The following LAPTM4B variants were observed in gnomAD, a reference collection of about 807,000 sequenced individuals.
LAPTM4B encodes the protein lysosomal protein transmembrane 4 beta.
A neutral mutation model predicts 28.5 loss-of-function variants in LAPTM4B; 26 were observed. The observed-to-expected ratio is 0.91, with a 90% CI of 0.67 to 1.27. The LOEUF (loss-of-function observed/expected upper bound fraction) is 1.27, where lower values mean the gene tolerates loss of function less well. Among genes scored for constraint, LAPTM4B ranks in the 50% most tolerant of loss-of-function variants. LAPTM4B has a pLI of 0.00. For synonymous variants in LAPTM4B, 109 were observed against 106.4 expected (o/e 1.02, Z -0.15); for missense variants, 288 against 285.8 (o/e 1.01, Z -0.06).
At chr8:97,827,749 CG>C (rs1406278639) in intron 6 of LAPTM4B, among the ~76,000 whole-genome samples, 1 of 152,072 alleles carries the variant, frequency 6.6e-6, no homozygotes, top group Non-Finnish European at 1.5e-5. Context: ...CAGGTGCGAG[CG>C]GGCTGAGTCC....
At chr8:97,842,135 A>G (rs569904212) in intron 6 of LAPTM4B, among the ~76,000 whole-genome samples, 1 of 152,364 alleles carries the variant, frequency 6.6e-6, no homozygotes, top group African/African-American at 2.4e-5. Flanking sequence ...TGTAGACAGT[A>G]TATGTGAATG....
At chr8:97,809,786 CCAGA>C (rs1371030441) in intron 2 of LAPTM4B, among the ~76,000 whole-genome samples, 1 of 152,108 alleles carries the variant, frequency 6.6e-6, no homozygotes, top group Non-Finnish European at 1.5e-5. Flanking sequence ...TTTCATCCAG[CCAGA>C]CAGAGCAGAA....
chr8:97,806,813 C>T (rs961926262), intron 2 of LAPTM4B, among the ~76,000 whole-genome samples: 6 of 152,026 alleles, frequency 3.9e-5, no homozygotes, highest in East Asian at 1.9e-4. Flanking sequence ...AAAAATTAGC[C>T]CAGTGTGGTG....
intron 6 of LAPTM4B, among the ~76,000 whole-genome samples, chr8:97,831,197 A>G (rs1377060305): frequency 3.3e-5 from 5 of 152,130 alleles, no homozygotes; most frequent in African/African-American, 1.2e-4. Context: ...TGATCTGACT[A>G]ATGAAGGCTG....
chr8:97,781,113 T>A (rs922599495), intron 1 of LAPTM4B, among the ~76,000 whole-genome samples: 2 of 150,852 alleles, frequency 1.3e-5, no homozygotes, highest in Admixed American at 1.3e-4. Context: ...CTCAGCCTCC[T>A]GAGTAGCTGG....
chr8:97,809,420 C>A (rs1231302595), intron 2 of LAPTM4B, among the ~76,000 whole-genome samples: 4 of 152,062 alleles, frequency 2.6e-5, no homozygotes, highest in African/African-American at 4.8e-5. Flanking sequence ...AAATGTTAGA[C>A]CAGGTGCGGT....
chr8:97,851,205 G>A (rs988047475), intron 6 of LAPTM4B, among the ~76,000 whole-genome samples, 192 bp from the exon 7 acceptor site: 3 of 152,220 alleles, frequency 2.0e-5, no homozygotes, highest in Admixed American at 6.5e-5. Context: ...CTCAAGGCTT[G>A]AGAGTCGCTC....
At chr8:97,828,903 A>G (rs1817134504) in intron 6 of LAPTM4B, among the ~76,000 whole-genome samples, 1 of 152,206 alleles carries the variant, frequency 6.6e-6, no homozygotes, top group African/African-American at 2.4e-5. Context: ...TGTTGGAGTT[A>G]TAAGGGGAAT....
intron 1 of LAPTM4B, among the ~76,000 whole-genome samples, chr8:97,778,062 GGAGAGTACTCA>G (rs1392138733): frequency 2.6e-5 from 4 of 152,192 alleles, no homozygotes; most frequent in Non-Finnish European, 2.9e-5. Flanking sequence ...TGTGATAAAA[GGAGAGTACTCA>G]GCATGCTTTG....
chr8:97,787,531 G>A (rs1009962451), intron 1 of LAPTM4B, among the ~76,000 whole-genome samples: 3 of 152,040 alleles, frequency 2.0e-5, no homozygotes, highest in African/African-American at 4.8e-5. Flanking sequence ...TGATCCATCC[G>A]CCTCGGCCTC....
intron 6 of LAPTM4B, among the ~76,000 whole-genome samples, chr8:97,843,768 G>A (rs1006851313): frequency 9.6e-5 from 14 of 146,336 alleles, no homozygotes; most frequent in African/African-American, 3.3e-4. Flanking sequence ...CAACAAGAGC[G>A]AAACTCCATC....
At chr8:97,849,095 T>C (rs2129862611) in intron 6 of LAPTM4B, among the ~76,000 whole-genome samples, 2 of 152,314 alleles carry the variant, frequency 1.3e-5, no homozygotes, top group South Asian at 4.1e-4. Context: ...CAGTGTTCAC[T>C]GTAGCAAACA....
rs567305033 is a variant in LAPTM4B, at chr8:97,851,841, C to T, written c.*367C>T. 2.3e-5 allele frequency: 5 copies of T among 213,540 alleles called. No homozygotes were observed. The highest frequency in any genetic ancestry group is 3.7e-5 in the Non-Finnish European group (4 of 108,670). 13.2% of individuals were successfully genotyped at this position (213,540 alleles called of 1,614,324 possible). On this transcript the variant is annotated 3_prime_UTR_variant, in exon 7 of 7. Transcript: ENST00000521545. ...CTCTTTTGAAAATGTAAAATAAAACCAAAAATAGACAACTTTTTCTTCAGC... is the reference window on the plus strand; with the variant it reads ...CTCTTTTGAAAATGTAAAATAAAACTAAAAATAGACAACTTTTTCTTCAGC...
chr8:97,847,931 C>T (rs1817456354), intron 6 of LAPTM4B, among the ~76,000 whole-genome samples: 1 of 152,110 alleles, frequency 6.6e-6, no homozygotes, highest in Admixed American at 6.6e-5. Context: ...GATTAAGGGT[C>T]CAAGGCAATA....
chr8:97,830,866 G>A (rs189187267), intron 6 of LAPTM4B, among the ~76,000 whole-genome samples: 149 of 152,182 alleles, frequency 9.8e-4, no homozygotes, highest in Admixed American at 2.0e-3. Context: ...GCAGCTCAGC[G>A]GATTTCATGT....
At chr8:97,829,536 G>A (rs923396767) in intron 6 of LAPTM4B, among the ~76,000 whole-genome samples, 1 of 152,088 alleles carries the variant, frequency 6.6e-6, no homozygotes, top group East Asian at 1.9e-4. Flanking sequence ...GCATAAGGGA[G>A]CAGCAATGGG....
chr8:97,848,014 T>C (rs1183523444), intron 6 of LAPTM4B, among the ~76,000 whole-genome samples: 1 of 152,196 alleles, frequency 6.6e-6, no homozygotes, highest in Non-Finnish European at 1.5e-5. Context: ...CTATAATCCC[T>C]GTACTTTGGG....
At chr8:97,832,276 T>G (rs2513965) in intron 6 of LAPTM4B, among the ~76,000 whole-genome samples, 3 of 151,962 alleles carry the variant, frequency 2.0e-5, no homozygotes, top group Non-Finnish European at 4.4e-5. Context: ...TTCCCACCTC[T>G]TCTAACAGTG....
chr8:97,821,540 G>A (rs1817002756), intron 5 of LAPTM4B, among the ~76,000 whole-genome samples: 1 of 127,536 alleles, frequency 7.8e-6, no homozygotes, highest in African/African-American at 5.4e-5. Flanking sequence ...AGGACGTGTG[G>A]ATGTAGGGGT....
Sources: gnomAD v4.1 joint callset for allele counts (sites outside exome capture counted in the v4.1 genomes callset) on GRCh38, gnomAD v4.1.1 for gene constraint, MANE v1.5 for transcripts, NCBI Gene and HGNC (gene_info 2026-07-23, HGNC 2026-07-21) for gene names.